The following TNXB variants were observed in gnomAD, a reference collection of about 807,000 sequenced individuals.
The protein encoded by TNXB is tenascin-X.
A neutral mutation model predicts 340.5 loss-of-function variants in TNXB; 183 were observed. That is an observed-to-expected ratio of 0.54 (90% CI 0.48 to 0.61). The LOEUF is 0.61. Ranked by LOEUF, TNXB falls within the 20% of genes least tolerant of loss-of-function variation. The pLI, the probability that TNXB is intolerant of heterozygous loss-of-function variation, is 0.00. For synonymous variants in TNXB, 2,121 were observed against 2,314.5 expected (o/e 0.92, Z 2.40); for missense variants, 4,613 against 5,446.4 (o/e 0.85, Z 4.82).
chr6:32,062,915 C>T lies in TNXB; in HGVS notation c.6842-432G>A, dbSNP rs1778115620. On this transcript the variant is annotated intron_variant, in intron 19 of 43. Coordinates refer to ENST00000644971, the MANE Select transcript of TNXB (RefSeq NM_001365276.2). The surrounding 1 kb of genome is among the most constrained non-coding windows in gnomAD (Gnocchi z 4.3). ...CTAAAAATACAAAAAATTAGCCAGG[C>T]GTGTTGGCGGGCACCTGTAGTCCCA... Among the ~76,000 whole-genome samples, 1 of 151,498 alleles carries T rather than the reference C, an allele frequency of 6.6e-6. No individual in the cohort carries two copies. Among genetic ancestry groups the T allele is most frequent in the Non-Finnish European group, 1.5e-5 (1 of 67,952 alleles).
At position 32,047,035 on chromosome 6, in the gene TNXB, A is replaced by AG. The variant is rs1207530860; in HGVS notation, c.10325-580dup. Reference sequence around the variant, plus strand: ...AGCCAGGGTGGGGCAGGGAGAAGACAGGGGATTAGCTGGGAGAACAGAGGG... The same window carrying AG: ...AGCCAGGGTGGGGCAGGGAGAAGACAGGGGGATTAGCTGGGAGAACAGAGGG... On this transcript the variant is annotated intron_variant, in intron 30 of 43. Coordinates refer to ENST00000644971, the MANE Select transcript of TNXB (RefSeq NM_001365276.2). This position sits in a 1 kb window ranked among gnomAD's most constrained non-coding sequence, Gnocchi z 6.2. Among the ~76,000 whole-genome samples the AG allele has an allele frequency of 1.3e-5, 2 of 152,196 alleles. No homozygotes were observed. The highest frequency in any genetic ancestry group is 2.9e-5 in the Non-Finnish European group (2 of 68,018).
rs1257919454 is a variant in TNXB, at chr6:32,049,429, A to C, written c.9598T>G (p.Tyr3200Asp). The C allele has an allele frequency of 3.7e-6, 6 of 1,612,486 alleles. No individual in the cohort carries two copies. Among genetic ancestry groups the C allele is most frequent in the Non-Finnish European group, 5.1e-6 (6 of 1,179,860 alleles). ...QGRFDSFTVQ[Y>D]KDRDGQPQVV... is the part of the protein sequence containing the mutation. ...TGGGGCTGCCCGTCCCTGTCCTTGT[A>C]CTGCACGGTGAAGGAGTCGAAGCGG... Residue 3200 changes from tyrosine to aspartate, a missense_variant, in exon 28 of 44, where the codon TAC becomes GAC. By Grantham distance (160) the Tyr-to-Asp change is radical. This residue lies in a region of TNXB where 4,327 missense variants were observed against 4,859.4 expected (regional missense o/e 0.89). Coordinates refer to ENST00000644971, the MANE Select transcript of TNXB (RefSeq NM_001365276.2). The surrounding 1 kb of genome is among the most constrained non-coding windows in gnomAD (Gnocchi z 4.5).
chr6:32,062,154 C>A lies in TNXB; in HGVS notation c.7168+3G>T. On this transcript the variant is annotated splice_donor_region_variant and intron_variant, in intron 20 of 43. Transcript: ENST00000644971. This position sits in a 1 kb window ranked among gnomAD's most constrained non-coding sequence, Gnocchi z 4.3. ...CACCCTGGGGCTCCCATCGTCCACT[C>A]ACCTGTCACCCCGATGGCAGACACG... 4 of 1,609,566 alleles carry A rather than the reference C, an allele frequency of 2.5e-6. No individual in the cohort carries two copies. Among genetic ancestry groups the A allele is most frequent in the Non-Finnish European group, 3.4e-6 (4 of 1,177,152 alleles).
chr6:32,063,537 C>A (rs1402400904), intron 19 of TNXB, among the ~76,000 whole-genome samples: 1 of 152,138 alleles, frequency 6.6e-6, no homozygotes, highest in African/African-American at 2.4e-5. Flanking sequence ...GATTTTATAG[C>A]TGAGGGTAGA....
chr6:32,056,761 G>C lies in TNXB; in HGVS notation c.7968C>G (p.Asp2656Glu), dbSNP rs752386579. 6.2e-7 allele frequency: 1 copy of C among 1,613,250 alleles called. No individual in the cohort carries two copies. Among genetic ancestry groups the C allele is most frequent in the African/African-American group, 1.3e-5 (1 of 74,922 alleles). ...LSWTVPEGQF[D>E]HFLVQYRNGD... ...CATTCCTGTACTGGACCAGGAAGTGGTCAAACTGGCCCTCGGGAACCGTCC... is the reference window on the plus strand; with the variant it reads ...CATTCCTGTACTGGACCAGGAAGTGCTCAAACTGGCCCTCGGGAACCGTCC... The change falls in exon 23 of 44, where the codon GAC becomes GAG. Residue 2656 changes from aspartate to glutamate, a missense_variant. Asp to Glu is a conservative substitution (Grantham distance 45). Around this residue, in one of 7 missense-constraint regions of TNXB, gnomAD observed 4,327 missense variants for 4,859.4 expected, o/e 0.89. Transcript: ENST00000644971.
In TNXB at chr6:32,096,918, G is replaced by A. The variant is rs768599858; in HGVS notation, c.935C>T (p.Pro312Leu). Residue 312 changes from proline to leucine, a missense_variant, in exon 3 of 44, where the codon CCT becomes CTT. This residue lies in a region of TNXB where 4,327 missense variants were observed against 4,859.4 expected (regional missense o/e 0.89). Coordinates refer to ENST00000644971, the MANE Select transcript of TNXB (RefSeq NM_001365276.2). ...TGEDCGVRSC[P>L]RGCSQRGRCK... ...GCGTCCCCGCTGGCTGCAGCCCCGA[G>A]GGCAGCTCCTCACCCCACAGTCCTC... The A allele has an allele frequency of 6.3e-6, 10 of 1,579,910 alleles. No individual in the cohort carries two copies. The highest frequency in any genetic ancestry group is 8.7e-6 in the Non-Finnish European group (10 of 1,150,992).
In TNXB at chr6:32,062,370, G is replaced by C; in HGVS notation, c.6955C>G (p.Leu2319Val). ...TCGGGAACCGTCCAGGACAGGCTGA[G>C]GGAGTCAGGGGTCGCATCTGTCACG... ...LTVTDATPDS[L>V]SLSWTVPEGQ... is the part of the protein sequence containing the mutation. Residue 2319 changes from leucine to valine, a missense_variant, in exon 20 of 44, where the codon CTC becomes GTC. Leu to Val is a conservative substitution (Grantham distance 32). Transcript: ENST00000644971. This position sits in a 1 kb window ranked among gnomAD's most constrained non-coding sequence, Gnocchi z 4.3. The C allele has an allele frequency of 6.2e-7, 1 of 1,613,392 alleles. No homozygotes were observed. The highest frequency in any genetic ancestry group is 1.7e-5 in the Admixed American group (1 of 59,942).
In TNXB at chr6:32,050,068, T is replaced by C. The variant is rs916139; in HGVS notation, c.9369A>G (p.Lys3123=). ...GGAAGCCGTACAGGTTCATCTTGTA[T>C]TTATGGTCTGGCTCCAGGCCTGAGA... is the stretch of plus-strand genomic sequence containing the variant. ...VTISGLEPDH[K]YKMNLYGFHG... The change falls in exon 27 of 44, where the codon AAA becomes AAG. Residue 3123 remains lysine, a synonymous_variant. Coordinates refer to ENST00000644971, the MANE Select transcript of TNXB (RefSeq NM_001365276.2). 6.2e-6 allele frequency: 10 copies of C among 1,613,652 alleles called. No homozygotes were observed. Among genetic ancestry groups the C allele is most frequent in the South Asian group, 3.3e-5 (3 of 91,090 alleles).
rs1164841460 is a variant in TNXB at position 32,108,446 on chromosome 6, C to T, written c.-9+735G>A. The stretch of plus-strand genomic sequence containing the variant: ...AAGGGGCACAGAGTGAAGACGGAGC[C>T]CCTGTGCCCCCAGAGGCATCTCTCA... On this transcript the variant is annotated intron_variant, in intron 1 of 43. Transcript: ENST00000644971. This position sits in a 1 kb window ranked among gnomAD's most constrained non-coding sequence, Gnocchi z 4.8. 6.6e-6 allele frequency among the ~76,000 whole-genome samples: 1 copy of T among 152,036 alleles called. No homozygotes were observed. The highest frequency in any genetic ancestry group is 6.6e-5 in the Admixed American group (1 of 15,264).
chr6:32,063,281 G>T (rs745833098), intron 19 of TNXB, among the ~76,000 whole-genome samples: 1 of 151,696 alleles, frequency 6.6e-6, no homozygotes, highest in African/African-American at 2.4e-5. Flanking sequence ...CCAGCTACTC[G>T]GAAGGCTGAG....
In TNXB at chr6:32,075,879, C is replaced by CT. The variant is rs11409371; in HGVS notation, c.4376-1928dup. ...GCTGGATGGGTGGGGCTCCCAAGAA[C>CT]TTGTTTCTCTGGCTTCCTCCGGAGG... is the stretch of plus-strand genomic sequence containing the variant. On this transcript the variant is annotated intron_variant, in intron 11 of 43. Transcript: ENST00000644971. The surrounding 1 kb of genome is among the most constrained non-coding windows in gnomAD (Gnocchi z 4.6). Among the ~76,000 whole-genome samples, 1,449 of 152,314 alleles carry CT rather than the reference C, an allele frequency of 9.5e-3. 25 individuals carry two copies. Among genetic ancestry groups the CT allele is most frequent in the African/African-American group, 0.033 (1,383 of 41,568 alleles).
rs1582339430 is a variant in TNXB, at chr6:32,046,759, A to G, written c.10325-303T>C. Among the ~76,000 whole-genome samples, 2 of 152,106 alleles carry G rather than the reference A, an allele frequency of 1.3e-5. No homozygotes were observed. Among genetic ancestry groups the G allele is most frequent in the South Asian group, 4.1e-4 (2 of 4,822 alleles). ...GAGGGATGGGTGGCTGGGGGTGCAG[A>G]GAGGGCCTTTGTTTACCCTGACCCC... On this transcript the variant is annotated intron_variant, in intron 30 of 43. Transcript: ENST00000644971. The surrounding 1 kb of genome is among the most constrained non-coding windows in gnomAD (Gnocchi z 6.9).
rs1416403721 is a variant in TNXB at position 32,068,420 on chromosome 6, T to C, written c.6190A>G (p.Met2064Val). Reference protein sequence around the residue: ...NLYGFHGGQRMGPVSVVGVTA... With the variant: ...NLYGFHGGQRVGPVSVVGVTA... The stretch of plus-strand genomic sequence containing the variant: ...ACCCCGACGACAGACACAGGGCCCA[T>C]GCGCTGGCCACCGTGGAAGCCGTAC... Residue 2064 changes from methionine to valine, a missense_variant, in exon 17 of 44, where the codon ATG becomes GTG. By Grantham distance (21) the Met-to-Val change is conservative (BLOSUM62 1). This residue lies in a region of TNXB where 4,327 missense variants were observed against 4,859.4 expected (regional missense o/e 0.89). Transcript: ENST00000644971. The surrounding 1 kb of genome is among the most constrained non-coding windows in gnomAD (Gnocchi z 5.3). 6.2e-7 allele frequency: 1 copy of C among 1,613,808 alleles called. No individual in the cohort carries two copies. Among genetic ancestry groups the C allele is most frequent in the Non-Finnish European group, 8.5e-7 (1 of 1,179,852 alleles).
chr6:32,061,391 A>G lies in TNXB; in HGVS notation c.7492+6T>C. 1 of 1,611,588 alleles carries G rather than the reference A, an allele frequency of 6.2e-7. No homozygotes were observed. The highest frequency in any genetic ancestry group is 8.5e-7 in the Non-Finnish European group (1 of 1,178,888). On this transcript the variant is annotated splice_donor_region_variant and intron_variant, in intron 21 of 43. Transcript: ENST00000644971. The surrounding 1 kb of genome is among the most constrained non-coding windows in gnomAD (Gnocchi z 4.4). Reference sequence around the variant, plus strand: ...TGGTTACCCCGAGACTCCAAGCACTACTCACCAGTCACGCCCACGGTGGAC... The same window carrying G: ...TGGTTACCCCGAGACTCCAAGCACTGCTCACCAGTCACGCCCACGGTGGAC...
intron 11 of TNXB, among the ~76,000 whole-genome samples, chr6:32,076,260 CT>C (rs1779075139): frequency 6.6e-6 from 1 of 152,174 alleles, no homozygotes. Context: ...ATTCATGACT[CT>C]GGCAGTCCCC....
chr6:32,087,532 C>T lies in TNXB; in HGVS notation c.2779+1253G>A. 3 of 460,388 alleles carry T rather than the reference C, an allele frequency of 6.5e-6. No individual in the cohort carries two copies. Among genetic ancestry groups the T allele is most frequent in the Non-Finnish European group, 1.3e-5 (3 of 232,342 alleles). The allele number at this position is 460,388 out of a possible 1,614,324, so 28.5% of individuals were successfully genotyped here. On this transcript the variant is annotated intron_variant, in intron 6 of 43. Transcript: ENST00000644971. This position sits in a 1 kb window ranked among gnomAD's most constrained non-coding sequence, Gnocchi z 9.0. ...CTTGGGGTGGCGGGACGCAGCCACCCGGTCGACGCCTTCAGGCGAGAGGCC... is the reference window on the plus strand; with the variant it reads ...CTTGGGGTGGCGGGACGCAGCCACCTGGTCGACGCCTTCAGGCGAGAGGCC...
At position 32,096,918 on chromosome 6, in the gene TNXB, G is replaced by C. The variant is rs768599858; in HGVS notation, c.935C>G (p.Pro312Arg). The C allele has an allele frequency of 1.2e-5, 19 of 1,579,794 alleles. No homozygotes were observed. The East Asian group carries it at 4.2e-4, about 35-fold the overall frequency. The change falls in exon 3 of 44, where the codon CCT becomes CGT. Residue 312 changes from proline (P) to arginine (R), a missense_variant. By Grantham distance (103) the Pro-to-Arg change is moderately radical. Transcript: ENST00000644971. The part of the protein sequence containing the change: ...TGEDCGVRSC[P>R]RGCSQRGRCK... ...GCGTCCCCGCTGGCTGCAGCCCCGA[G>C]GGCAGCTCCTCACCCCACAGTCCTC...
At position 32,046,031 on chromosome 6, in the gene TNXB, C is replaced by G; in HGVS notation, c.10606+144G>C. 1 of 1,416,808 alleles carries G rather than the reference C, an allele frequency of 7.1e-7. No individual in the cohort carries two copies. The highest frequency in any genetic ancestry group is 1.6e-5 in the South Asian group (1 of 62,090). 87.8% of individuals were successfully genotyped at this position (1,416,808 alleles called of 1,614,324 possible). A position where few individuals can be genotyped will look rare whatever the true frequency, so the allele number is the denominator to read the frequency against. ...TTGATGGATGTTGAAGCCCACAGGG[C>G]TGCAGACTCCTCCTCCTTCCTGGGG... On this transcript the variant is annotated intron_variant, in intron 31 of 43. Coordinates refer to ENST00000644971, the MANE Select transcript of TNXB (RefSeq NM_001365276.2). The surrounding 1 kb of genome is among the most constrained non-coding windows in gnomAD (Gnocchi z 6.9).
Position 32,096,851 on chromosome 6 carries a change from G to C in TNXB, c.1002C>G (p.Gly334=). 6.2e-7 allele frequency: 1 copy of C among 1,604,896 alleles called. No homozygotes were observed. The highest frequency in any genetic ancestry group is 1.7e-5 in the Admixed American group (1 of 58,898). ...GGCAGCTCCGCGTACCACAGTCCTC[G>C]CCAGTGTAGCCGGGGTCACACACGC... ...GRCVCDPGYT[G]EDCGTRSCPW... is the part of the protein sequence containing the mutation. The change falls in exon 3 of 44, where the codon GGC becomes GGG. Residue 334 remains glycine (G), a synonymous_variant. Coordinates refer to ENST00000644971, the MANE Select transcript of TNXB (RefSeq NM_001365276.2).
Sources: allele counts gnomAD v4.1 joint callset (sites outside exome capture counted in the v4.1 genomes callset), GRCh38; gene constraint gnomAD v4.1.1; regional missense constraint gnomAD v4.1.1; non-coding constraint Gnocchi (gnomAD v3.1); transcripts MANE v1.5; gene names NCBI Gene and HGNC (gene_info 2026-07-23, HGNC 2026-07-21).